TNPO1: variants seen among roughly 807,000 people sequenced by gnomAD.
The protein encoded by TNPO1 is transportin-1.
A neutral mutation model predicts 119.5 loss-of-function variants in TNPO1; 8 were observed. The observed-to-expected ratio is 0.07, with a 90% CI of 0.04 to 0.12. The LOEUF (loss-of-function observed/expected upper bound fraction) is 0.12. Ranked by LOEUF, TNPO1 falls within the 10% of genes least tolerant of loss-of-function variation. The pLI, the probability that TNPO1 is intolerant of heterozygous loss-of-function variation, is 1.00. For missense variants in TNPO1, 576 were observed against 1,089.8 expected, an observed-to-expected ratio of 0.53 and a Z score of 6.64; for synonymous variants, 362 against 363.0, an observed-to-expected ratio of 1.00 and a Z score of 0.03.
At chr5:72,876,985 T>C (rs1253045276) in intron 8 of TNPO1, among the ~76,000 whole-genome samples, 75 of 151,344 alleles carry the variant, frequency 5.0e-4, no homozygotes, top group Non-Finnish European at 1.2e-4. Context: ...GTCCCATCTA[T>C]TCGGGAGGCT....
chr5:72,867,698 A>T (rs1580424055), intron 6 of TNPO1, among the ~76,000 whole-genome samples: 2 of 152,340 alleles, frequency 1.3e-5, no homozygotes, highest in South Asian at 4.1e-4. Flanking sequence ...CTTGATAGAT[A>T]ATTTTATTGC....
At chr5:72,880,409 T>C (rs1194439671) in intron 9 of TNPO1, among the ~76,000 whole-genome samples, 1 of 152,236 alleles carries the variant, frequency 6.6e-6, no homozygotes. Context: ...TAATGTCTTA[T>C]AGGGCTGTTG....
At position 72,820,292 on chromosome 5, in the gene TNPO1, G is replaced by A. The variant is rs1743896804; in HGVS notation, c.15+3540G>A. ...ATTTCTGCATTCTGGATTATTTAGAGTCCCCAAAGCAAAAATACTGAGTCA... is the reference window on the plus strand; with the variant it reads ...ATTTCTGCATTCTGGATTATTTAGAATCCCCAAAGCAAAAATACTGAGTCA... On this transcript the variant is annotated intron_variant, in intron 1 of 24. Transcript: ENST00000337273. Among the ~76,000 whole-genome samples the A allele has an allele frequency of 2.6e-5, 4 of 152,120 alleles. No individual in the cohort carries two copies. The South Asian group carries it at 8.3e-4, about 31-fold the overall frequency.
rs774766450 is a variant in TNPO1 at position 72,883,087 on chromosome 5, G to A, written c.1005G>A (p.Thr335=). The change falls in exon 11 of 25, where the codon ACG becomes ACA. Residue 335 remains threonine, a synonymous_variant. Transcript: ENST00000337273. ...AGGGTGATGTTGAAGAAGACGAAAC[G>A]ATTCCTGATAGTGAACAGGATATAC... The part of the protein sequence containing the change: ...LLKGDVEEDE[T]IPDSEQDIRP... 9 of 1,612,900 alleles carry A rather than the reference G, an allele frequency of 5.6e-6. No homozygotes were observed. Among genetic ancestry groups the A allele is most frequent in the African/African-American group, 1.3e-5 (1 of 74,864 alleles).
At chr5:72,828,162 A>G (rs114029339) in intron 1 of TNPO1, among the ~76,000 whole-genome samples, 18 of 152,300 alleles carry the variant, frequency 1.2e-4, no homozygotes, top group African/African-American at 4.3e-4. Context: ...ATGTGGTGCC[A>G]TAAGAGGTGA....
chr5:72,852,815 A>T (rs1232111800), intron 3 of TNPO1, among the ~76,000 whole-genome samples: 3 of 152,228 alleles, frequency 2.0e-5, no homozygotes, highest in Admixed American at 1.3e-4. Flanking sequence ...TAGAAAATTT[A>T]GAACTCTTAA....
At chr5:72,843,336 G>A (rs969227281) in intron 1 of TNPO1, among the ~76,000 whole-genome samples, 4 of 152,152 alleles carry the variant, frequency 2.6e-5, no homozygotes, top group Non-Finnish European at 5.9e-5. Context: ...GCTCACGCCT[G>A]TAATCCCAGC....
In TNPO1 at chr5:72,911,966, G is replaced by T. The variant is rs1266332827; in HGVS notation, c.*3293G>T. On this transcript the variant is annotated 3_prime_UTR_variant, in exon 25 of 25. Transcript: ENST00000337273. Reference sequence around the variant, plus strand: ...TTAAATGCATGTTTGGCAGTTCCATGTTACAGTCCATTAGCGAGTGAACTT... The same window carrying T: ...TTAAATGCATGTTTGGCAGTTCCATTTTACAGTCCATTAGCGAGTGAACTT... 1 of 152,430 alleles carries T rather than the reference G, an allele frequency of 6.6e-6. No individual in the cohort carries two copies. The highest frequency in any genetic ancestry group is 1.9e-4 in the East Asian group (1 of 5,194). 9.4% of individuals were successfully genotyped at this position (152,430 alleles called of 1,614,324 possible).
At chr5:72,872,472 A>G (rs563495631) in intron 6 of TNPO1, among the ~76,000 whole-genome samples, 167 bp from the exon 7 acceptor site, 29 of 152,308 alleles carry the variant, frequency 1.9e-4, no homozygotes, top group African/African-American at 6.5e-4. Context: ...CACTTAGTAT[A>G]TCATTCAAAT....
intron 5 of TNPO1, among the ~76,000 whole-genome samples, chr5:72,863,339 C>A (rs866154997): frequency 6.6e-6 from 1 of 152,100 alleles, no homozygotes; most frequent in Non-Finnish European, 1.5e-5. Context: ...AGAAACTATC[C>A]GCCATGGTGG....
Position 72,889,966 on chromosome 5 carries a change from C to T in TNPO1, c.1701+9C>T, listed in dbSNP as rs758640414. On this transcript the variant is annotated intron_variant, in intron 14 of 24. Coordinates refer to ENST00000337273, the MANE Select transcript of TNPO1 (RefSeq NM_002270.4). ...ATCATTTAAACAAACCAGTAAGTAT[C>T]TGTTAAGAACTATTAGGGAAAATAA... The T allele has an allele frequency of 2.5e-6, 4 of 1,609,984 alleles. No homozygotes were observed. The South Asian group carries it at 3.3e-5, about 13-fold the overall frequency.
chr5:72,860,943 G>A lies in TNPO1; in HGVS notation c.356-865G>A, dbSNP rs969119554. Among the ~76,000 whole-genome samples the A allele has an allele frequency of 1.8e-4, 27 of 148,058 alleles. 1 individual carries two copies. The highest frequency in any genetic ancestry group is 4.7e-4 in the African/African-American group (19 of 40,100). On this transcript the variant is annotated intron_variant, in intron 4 of 24. Coordinates refer to ENST00000337273, the MANE Select transcript of TNPO1 (RefSeq NM_002270.4). ...TTTTTTTTTTTTGAGACAGAATTTC[G>A]TTCTTGTTGCCCAGACTGGAGTGCA... is the stretch of plus-strand genomic sequence containing the variant.
intron 1 of TNPO1, among the ~76,000 whole-genome samples, chr5:72,845,998 C>G (rs1360925043): frequency 3.3e-5 from 5 of 152,106 alleles, no homozygotes; most frequent in African/African-American, 1.2e-4. Context: ...CCACTGGTAT[C>G]AGGGGAAATT....
At chr5:72,889,712 A>G in intron 13 of TNPO1, 74 bp from the exon 14 acceptor site, 5 of 1,476,968 alleles carry the variant, frequency 3.4e-6, no homozygotes, top group Non-Finnish European at 4.5e-6. Context: ...AAAACAGAAC[A>G]TAAACATTTT....
At chr5:72,848,138 T>C (rs1481425124) in intron 1 of TNPO1, 3 of 1,207,324 alleles carry the variant, frequency 2.5e-6, no homozygotes, top group Non-Finnish European at 3.1e-6. Context: ...TCTGGTCGGC[T>C]CCTTGCGCTC....
intron 11 of TNPO1, among the ~76,000 whole-genome samples, chr5:72,884,842 TC>T (rs1335188420): frequency 6.6e-6 from 1 of 152,196 alleles, no homozygotes; most frequent in African/African-American, 2.4e-5. Context: ...TTAAGCAGCA[TC>T]CCTGGCCTCT....
At chr5:72,906,846 T>C (rs1750207658) in intron 24 of TNPO1, among the ~76,000 whole-genome samples, 1 of 152,170 alleles carries the variant, frequency 6.6e-6, no homozygotes, top group South Asian at 2.1e-4. Flanking sequence ...GTACAATAAA[T>C]ATCAGGGTTT....
chr5:72,900,704 AATAGT>A (rs1318729224), intron 21 of TNPO1, among the ~76,000 whole-genome samples: 4 of 152,212 alleles, frequency 2.6e-5, no homozygotes, highest in Non-Finnish European at 5.9e-5. Flanking sequence ...CAGGCTCATT[AATAGT>A]TTAAATGGGA....
chr5:72,835,390 A>G (rs145149299), intron 1 of TNPO1, among the ~76,000 whole-genome samples: 1 of 152,234 alleles, frequency 6.6e-6, no homozygotes, highest in East Asian at 1.9e-4. Context: ...TGTATTTCTC[A>G]TAGTAGTACA....
Sources: gnomAD v4.1 joint callset for allele counts (sites outside exome capture counted in the v4.1 genomes callset) on GRCh38, gnomAD v4.1.1 for gene constraint, MANE v1.5 for transcripts, NCBI Gene and HGNC (gene_info 2026-07-23, HGNC 2026-07-21) for gene names.